Variants in ZSCAN21 observed in about 807,000 individuals in gnomAD.
ZSCAN21 encodes the protein zinc finger and SCAN domain containing 21.
A neutral mutation model predicts 35.6 loss-of-function variants in ZSCAN21; 26 were observed. The observed-to-expected ratio is 0.73, with a 90% CI of 0.54 to 1.01. The LOEUF is 1.01. Ranked by LOEUF, ZSCAN21 falls within the 50% of genes least tolerant of loss-of-function variation. The probability of loss-of-function intolerance (pLI) is 0.00; values close to 1 mark genes in which losing one functional copy is unlikely to be tolerated. For missense variants in ZSCAN21, 593 were observed against 587.1 expected, an observed-to-expected ratio of 1.01 and a Z score of -0.10; for synonymous variants, 219 against 219.3, an observed-to-expected ratio of 1.00 and a Z score of 0.01.
chr7:100,063,040 C>T (rs914298332), intron 3 of ZSCAN21, among the ~76,000 whole-genome samples: 6 of 152,134 alleles, frequency 3.9e-5, no homozygotes, highest in Non-Finnish European at 8.8e-5. Context: ...CACAGGGGCA[C>T]ACCATGCCCA....
At chr7:100,054,706 G>A (rs1438200149) in intron 1 of ZSCAN21, among the ~76,000 whole-genome samples, 1 of 150,888 alleles carries the variant, frequency 6.6e-6, no homozygotes, top group African/African-American at 2.4e-5. Flanking sequence ...GAGCGTGGTG[G>A]TGCGTGCCTG....
At position 100,057,195 on chromosome 7, in the gene ZSCAN21, G is replaced by C. The variant is rs758998835; in HGVS notation, c.189G>C (p.Leu63=). 1 of 1,613,872 alleles carries C rather than the reference G, an allele frequency of 6.2e-7. No homozygotes were observed. The highest frequency in any genetic ancestry group is 8.5e-7 in the Non-Finnish European group (1 of 1,179,998). The change falls in exon 2 of 4, where the codon CTG becomes CTC. Residue 63 remains leucine (L), a synonymous_variant. Coordinates refer to ENST00000292450, the MANE Select transcript of ZSCAN21 (RefSeq NM_145914.3). ...ATACCCCTGGACCCCGAGAGGCCCT[G>C]AGCCAACTCCGGGTGCTCTGCTGTG... is the stretch of plus-strand genomic sequence containing the variant. ...YHDTPGPREA[L]SQLRVLCCEW... is the part of the protein sequence containing the mutation.
chr7:100,063,265 T>G (rs911042645), intron 3 of ZSCAN21, among the ~76,000 whole-genome samples: 1 of 152,252 alleles, frequency 6.6e-6, no homozygotes, highest in Non-Finnish European at 1.5e-5. Context: ...CCACGTTCTC[T>G]TCACATCTTA....
chr7:100,053,544 TAA>T, intron 1 of ZSCAN21, among the ~76,000 whole-genome samples: 1 of 139,658 alleles, frequency 7.2e-6, no homozygotes, highest in African/African-American at 2.7e-5. Flanking sequence ...CATACATACA[TAA>T]TTTTTTTTTT....
At chr7:100,055,427 C>T (rs2116087718) in intron 1 of ZSCAN21, among the ~76,000 whole-genome samples, 2 of 151,418 alleles carry the variant, frequency 1.3e-5, no homozygotes, top group Admixed American at 1.3e-4. Context: ...CCACCATGCC[C>T]AGCTAATTTT....
chr7:100,051,355 G>A (rs573664461), intron 1 of ZSCAN21: 72 of 119,968 alleles, frequency 6.0e-4, no homozygotes, highest in Middle Eastern at 6.2e-3. Context: ...ATGCAGTGGC[G>A]CGATCTCGGC....
Position 100,057,884 on chromosome 7 carries a change from G to A in ZSCAN21, c.586G>A (p.Val196Ile). 2.5e-6 allele frequency: 4 copies of A among 1,604,644 alleles called. No individual in the cohort carries two copies. The highest frequency in any genetic ancestry group is 3.4e-6 in the Non-Finnish European group (4 of 1,174,990). Residue 196 changes from valine (V) to isoleucine (I), a missense_variant, in exon 3 of 4, where the codon GTC becomes ATC. Transcript: ENST00000292450. Reference sequence around the variant, plus strand: ...GGAGTTCGCTCAAGATCCAAGAAAGGTCCGAGGTGAGGACCACCCATTAGA... The same window carrying A: ...GGAGTTCGCTCAAGATCCAAGAAAGATCCGAGGTGAGGACCACCCATTAGA... ...EQEFAQDPRK[V>I]RDCRLSTQHE... is the part of the protein sequence containing the mutation.
intron 1 of ZSCAN21, among the ~76,000 whole-genome samples, chr7:100,056,298 C>T (rs967664232): frequency 2.0e-5 from 3 of 152,142 alleles, no homozygotes; most frequent in African/African-American, 7.2e-5. Context: ...CAGATGGCAT[C>T]TAGCCAGTAG....
At chr7:100,055,198 C>T (rs1372923019) in intron 1 of ZSCAN21, among the ~76,000 whole-genome samples, 3 of 151,512 alleles carry the variant, frequency 2.0e-5, no homozygotes, top group East Asian at 1.9e-4. Context: ...TCAAGTGATC[C>T]GCCCGCCTTG....
rs1348577388 is a variant in ZSCAN21 at position 100,062,014 on chromosome 7, A to G, written c.593-1774A>G. ...AGCGTCACTTTATAACTGAATTACA[A>G]GATGTAGCCAGTGTAAGTAAATGAT... On this transcript the variant is annotated intron_variant, in intron 3 of 3. Coordinates refer to ENST00000292450, the MANE Select transcript of ZSCAN21 (RefSeq NM_145914.3). Among the ~76,000 whole-genome samples the G allele has an allele frequency of 2.0e-5, 3 of 152,232 alleles. No homozygotes were observed. The East Asian group carries it at 5.8e-4, about 29-fold the overall frequency.
intron 3 of ZSCAN21, among the ~76,000 whole-genome samples, chr7:100,062,184 C>T (rs1192512462): frequency 6.6e-6 from 1 of 151,934 alleles, no homozygotes; most frequent in African/African-American, 2.4e-5. Context: ...GAGTTTGCCA[C>T]TCAGCCTCAT....
In ZSCAN21 at chr7:100,063,851, G is replaced by T; in HGVS notation, c.656G>T (p.Gly219Val). The T allele has an allele frequency of 6.2e-7, 1 of 1,614,060 alleles. No homozygotes were observed. The highest frequency in any genetic ancestry group is 8.5e-7 in the Non-Finnish European group (1 of 1,180,034). Reference protein sequence around the residue: ...ADEQKGSEAEGLKGDIISVII... With the variant: ...ADEQKGSEAEVLKGDIISVII... ...GAGCAGAAAGGTTCTGAAGCAGAGGGGCTCAAAGGGGATATAATTTCTGTG... is the reference window on the plus strand; with the variant it reads ...GAGCAGAAAGGTTCTGAAGCAGAGGTGCTCAAAGGGGATATAATTTCTGTG... The change falls in exon 4 of 4, where the codon GGG becomes GTG. Residue 219 changes from glycine (G) to valine (V), a missense_variant. Physicochemically the swap from Gly to Val is moderately radical, Grantham distance 109. Transcript: ENST00000292450.
intron 1 of ZSCAN21, among the ~76,000 whole-genome samples, chr7:100,052,123 G>C (rs1458748847): frequency 1.3e-5 from 2 of 152,000 alleles, no homozygotes; most frequent in African/African-American, 4.8e-5. Context: ...TAGATGTGGT[G>C]ATGCACACCT....
chr7:100,055,859 G>A (rs921944734), intron 1 of ZSCAN21, among the ~76,000 whole-genome samples: 1 of 150,712 alleles, frequency 6.6e-6, no homozygotes, highest in African/African-American at 2.4e-5. Flanking sequence ...AGCCAGGATG[G>A]TCTCGATCTC....
rs1792102785 is a variant in ZSCAN21, at chr7:100,057,173, C to G, written c.167C>G (p.Thr56Ser). 3 of 1,613,932 alleles carry G rather than the reference C, an allele frequency of 1.9e-6. No homozygotes were observed. Among genetic ancestry groups the G allele is most frequent in the Non-Finnish European group, 2.5e-6 (3 of 1,180,020 alleles). ...QRFRQFGYHD[T>S]PGPREALSQL... Reference sequence around the variant, plus strand: ...TTCAGGCAGTTTGGGTACCATGATACCCCTGGACCCCGAGAGGCCCTGAGC... The same window carrying G: ...TTCAGGCAGTTTGGGTACCATGATAGCCCTGGACCCCGAGAGGCCCTGAGC... The change falls in exon 2 of 4, where the codon ACC becomes AGC. Residue 56 changes from threonine (T) to serine (S), a missense_variant. Physicochemically the swap from Thr to Ser is moderately conservative, Grantham distance 58. Transcript: ENST00000292450.
At chr7:100,055,547 C>T (rs545962157) in intron 1 of ZSCAN21, among the ~76,000 whole-genome samples, 20 of 152,030 alleles carry the variant, frequency 1.3e-4, no homozygotes, top group Admixed American at 5.2e-4. Flanking sequence ...CCACTGCGCC[C>T]GACCTCAGTT....
chr7:100,064,365 T>C lies in ZSCAN21; in HGVS notation c.1170T>C (p.Cys390=). 6.2e-7 allele frequency: 1 copy of C among 1,614,080 alleles called. No individual in the cohort carries two copies. Residue 390 remains cysteine (C), a synonymous_variant, in exon 4 of 4, where the codon TGT becomes TGC. Transcript: ENST00000292450. ...RIHTGEKPYQ[C]NECGKSFSQH... ...ACACTGGGGAGAAGCCTTATCAGTG[T>C]AACGAATGTGGGAAGAGCTTCAGTC... is the stretch of plus-strand genomic sequence containing the variant.
At position 100,064,580 on chromosome 7, in the gene ZSCAN21, A is replaced by T; in HGVS notation, c.1385A>T (p.His462Leu). Reference sequence around the variant, plus strand: ...TGTAGCAAGTCCAATCTTTCCAAACATCAGCGAGTCCACACTGGAGAGGGA... The same window carrying T: ...TGTAGCAAGTCCAATCTTTCCAAACTTCAGCGAGTCCACACTGGAGAGGGA... ...TFCSKSNLSK[H>L]QRVHTGEGEA... Residue 462 changes from histidine to leucine, a missense_variant, in exon 4 of 4, where the codon CAT (histidine) becomes CTT (leucine). Physicochemically the swap from His to Leu is moderately conservative, Grantham distance 99 (BLOSUM62 -3). Coordinates refer to ENST00000292450, the MANE Select transcript of ZSCAN21 (RefSeq NM_145914.3). The T allele has an allele frequency of 6.2e-7, 1 of 1,614,228 alleles. No individual in the cohort carries two copies. Among genetic ancestry groups the T allele is most frequent in the Non-Finnish European group, 8.5e-7 (1 of 1,180,030 alleles).
In ZSCAN21 at chr7:100,057,026, G is replaced by C. The variant is rs951232620; in HGVS notation, c.20G>C (p.Gly7Ala). MMTKVL[G>A]MAPVLGPRPP... The stretch of plus-strand genomic sequence containing the variant: ...GTTTACATGATGACCAAGGTACTAG[G>C]CATGGCCCCAGTTCTGGGCCCTAGG... The change falls in exon 2 of 4, where the codon GGC becomes GCC. Residue 7 changes from glycine to alanine, a missense_variant. By Grantham distance (60) the Gly-to-Ala change is moderately conservative (BLOSUM62 0). Transcript: ENST00000292450. The C allele has an allele frequency of 6.2e-7, 1 of 1,611,512 alleles. No individual in the cohort carries two copies.
Sources: gnomAD v4.1 joint callset for allele counts (sites outside exome capture counted in the v4.1 genomes callset) on GRCh38, gnomAD v4.1.1 for gene constraint, MANE v1.5 for transcripts, NCBI Gene and HGNC (gene_info 2026-07-23, HGNC 2026-07-21) for gene names.